UBR3: variants seen among roughly 807,000 people sequenced by gnomAD.
The protein encoded by UBR3 is E3 ubiquitin-protein ligase UBR3.
UBR3 carries 85 observed loss-of-function variants against 243.2 expected under a neutral mutation model. The observed-to-expected ratio is 0.35, with a 90% CI of 0.29 to 0.42. UBR3 has a LOEUF of 0.42. UBR3 is among the 10% of genes least tolerant of loss of function. The pLI, the probability that UBR3 is intolerant of heterozygous loss-of-function variation, is 1.00. For synonymous variants in UBR3, 748 were observed against 799.8 expected, an observed-to-expected ratio of 0.94 and a Z score of 1.09; for missense variants, 1,686 against 2,300.8, an observed-to-expected ratio of 0.73 and a Z score of 5.47.
intron 24 of UBR3, among the ~76,000 whole-genome samples, chr2:169,980,258 T>C (rs2105383166): frequency 6.6e-6 from 1 of 152,368 alleles, no homozygotes; most frequent in South Asian, 2.1e-4. Context: ...ATTCATGTGA[T>C]AATAATGGAT....
chr2:169,942,279 G>A (rs2086623615), intron 19 of UBR3, among the ~76,000 whole-genome samples: 2 of 151,932 alleles, frequency 1.3e-5, no homozygotes, highest in South Asian at 4.1e-4. Flanking sequence ...TTAATTTTCA[G>A]CTTAGCTCTC....
chr2:170,045,960 G>A (rs1267590371), intron 32 of UBR3, among the ~76,000 whole-genome samples: 2 of 115,848 alleles, frequency 1.7e-5, no homozygotes, highest in African/African-American at 6.5e-5. Context: ...GTTGCTTCTT[G>A]TAAATTTTTT....
intron 5 of UBR3, among the ~76,000 whole-genome samples, chr2:169,884,200 G>A (rs1299937115): frequency 1.3e-5 from 2 of 148,620 alleles, no homozygotes; most frequent in East Asian, 3.9e-4. Flanking sequence ...CTGTCGCCCA[G>A]GCTGGAGTAC....
chr2:169,876,504 G>A (rs2083615850), intron 3 of UBR3, among the ~76,000 whole-genome samples: 1 of 145,152 alleles, frequency 6.9e-6, no homozygotes, highest in Non-Finnish European at 1.5e-5. Context: ...CTTTTGGTGT[G>A]ACATGATAAT....
intron 1 of UBR3, 113 bp downstream of exon 1, chr2:169,828,165 G>T: frequency 1.6e-6 from 2 of 1,253,364 alleles, no homozygotes; most frequent in Non-Finnish European, 2.0e-6. Flanking sequence ...GGGTGCGGGG[G>T]AGGGTGCAGC....
chr2:169,846,188 CT>C lies in UBR3; in HGVS notation c.545+18137del. ...TCCAAATATAACCGTGGATTTGTCT[CT>C]ATTTCCTTGAAGTTGTCAATTTTTG... On this transcript the variant is annotated intron_variant, in intron 1 of 38. Transcript: ENST00000272793. 1.3e-5 allele frequency among the ~76,000 whole-genome samples: 2 copies of C among 152,172 alleles called. 1 individual carries two copies. Among genetic ancestry groups the C allele is most frequent in the African/African-American group, 4.8e-5 (2 of 41,432 alleles).
chr2:169,945,814 C>T (rs1300081838), intron 20 of UBR3, among the ~76,000 whole-genome samples: 1 of 152,176 alleles, frequency 6.6e-6, no homozygotes, highest in Non-Finnish European at 1.5e-5. Flanking sequence ...TTACTAACCA[C>T]TTGCATTCCT....
chr2:170,060,983 T>C (rs182006950), intron 33 of UBR3, 96 bp from the exon 34 acceptor site: 13 of 808,436 alleles, frequency 1.6e-5, no homozygotes, highest in Non-Finnish European at 2.3e-5. Flanking sequence ...AAAAATAATA[T>C]AATCACAGTT....
intron 11 of UBR3, among the ~76,000 whole-genome samples, chr2:169,923,306 C>A (rs940590776): frequency 6.6e-6 from 1 of 152,144 alleles, no homozygotes; most frequent in African/African-American, 2.4e-5. Flanking sequence ...TCAGAGTCTT[C>A]TTACAGTTTT....
chr2:169,908,072 GGATT>G (rs1188262410), intron 10 of UBR3, among the ~76,000 whole-genome samples: 1 of 152,198 alleles, frequency 6.6e-6, no homozygotes, highest in African/African-American at 2.4e-5. Context: ...TGCCTTTATT[GGATT>G]GATTATTATT....
intron 26 of UBR3, among the ~76,000 whole-genome samples, chr2:169,998,082 G>A (rs1279163677): frequency 2.0e-5 from 3 of 151,616 alleles, no homozygotes; most frequent in Non-Finnish European, 2.9e-5. Flanking sequence ...ACCTGGCCCT[G>A]TCTGTCTAGG....
At chr2:169,829,486 C>T (rs1367639508) in intron 1 of UBR3, among the ~76,000 whole-genome samples, 1 of 147,206 alleles carries the variant, frequency 6.8e-6, no homozygotes, top group Non-Finnish European at 1.5e-5. Flanking sequence ...TGCAATGGCG[C>T]GACCTCGGCT....
chr2:169,896,692 A>G lies in UBR3; in HGVS notation c.1422A>G (p.Leu474=). The G allele has an allele frequency of 6.5e-7, 1 of 1,550,190 alleles. No individual in the cohort carries two copies. Among genetic ancestry groups the G allele is most frequent in the Non-Finnish European group, 8.7e-7 (1 of 1,146,242 alleles). Residue 474 remains leucine, a synonymous_variant, in exon 8 of 39, where the codon CTA becomes CTG. Transcript: ENST00000272793. ...CQLLDIMVTV[L]LYMMESCLIK... is the part of the protein sequence containing the mutation. ...TGCTGGATATTATGGTCACTGTGCT[A>G]TTATACATGATGGAAAGTTGCCTTA... is the stretch of plus-strand genomic sequence containing the variant.
At chr2:169,944,679 A>C (rs2086718267) in intron 20 of UBR3, among the ~76,000 whole-genome samples, 1 of 149,662 alleles carries the variant, frequency 6.7e-6, no homozygotes. Context: ...CATCATTTTT[A>C]TTTCTTTTTT....
chr2:169,860,076 T>C (rs947102440), intron 1 of UBR3, among the ~76,000 whole-genome samples: 3 of 152,332 alleles, frequency 2.0e-5, no homozygotes, highest in Non-Finnish European at 2.9e-5. Flanking sequence ...ATTTCCATCA[T>C]TATGCTTTCA....
intron 24 of UBR3, among the ~76,000 whole-genome samples, chr2:169,963,292 A>C (rs1002340593): frequency 2.1e-4 from 32 of 152,086 alleles, no homozygotes; most frequent in Admixed American, 1.8e-3. Context: ...TCATGTGCTG[A>C]TTCTGAGCCC....
At chr2:170,036,792 C>T (rs1200959625) in intron 31 of UBR3, among the ~76,000 whole-genome samples, 1 of 151,950 alleles carries the variant, frequency 6.6e-6, no homozygotes, top group African/African-American at 2.4e-5. Flanking sequence ...AATATGTTTG[C>T]CGTCTACTTT....
Position 170,078,446 on chromosome 2 carries a change from C to A in UBR3, c.5200-1368C>A, listed in dbSNP as rs375656278. ...TGTTACAGCTGTTAAATACTTTCCA[C>A]CTCTTGTTTCCCATACATATGCATT... is the stretch of plus-strand genomic sequence containing the variant. On this transcript the variant is annotated intron_variant, in intron 36 of 38. Coordinates refer to ENST00000272793, the MANE Select transcript of UBR3 (RefSeq NM_172070.4). Among the ~76,000 whole-genome samples the A allele has an allele frequency of 2.4e-4, 36 of 152,338 alleles. No individual in the cohort carries two copies. The South Asian group carries it at 7.2e-3, about 31-fold the overall frequency.
rs2084194872 is a variant in UBR3, at chr2:169,888,368, A to G, written c.1039-2797A>G. On this transcript the variant is annotated intron_variant, in intron 5 of 38. Transcript: ENST00000272793. ...AGGTCAGGCTGATCTCGAACTCCTG[A>G]CCTCAGGTGATCCACCCACCTCAGC... is the stretch of plus-strand genomic sequence containing the variant. 2.6e-5 allele frequency among the ~76,000 whole-genome samples: 4 copies of G among 151,294 alleles called. No individual in the cohort carries two copies. In the South Asian group the frequency reaches 8.4e-4, roughly 32 times the overall value.
Sources: gnomAD v4.1 joint callset for allele counts (sites outside exome capture counted in the v4.1 genomes callset) on GRCh38, gnomAD v4.1.1 for gene constraint, MANE v1.5 for transcripts, NCBI Gene and HGNC (gene_info 2026-07-23, HGNC 2026-07-21) for gene names.